The following CADM2 variants were observed in gnomAD, a reference collection of about 807,000 sequenced individuals.
The protein encoded by CADM2 is immunoglobulin superfamily member 4D.
In CADM2, 12 loss-of-function variants were observed where a neutral mutation model predicts 49.8. The observed-to-expected ratio is 0.24, with a 90% CI of 0.15 to 0.39. The LOEUF is 0.39. Among genes scored for constraint, CADM2 ranks in the 10% least tolerant of loss-of-function variants. The probability of loss-of-function intolerance (pLI) is 1.00; values close to 1 mark genes in which losing one functional copy is unlikely to be tolerated. For synonymous variants in CADM2, 214 were observed against 175.4 expected, an observed-to-expected ratio of 1.22 and a Z score of -1.74; for missense variants, 378 against 492.3, an observed-to-expected ratio of 0.77 and a Z score of 2.20.
chr3:85,385,729 C>T (rs2034186424), intron 1 of CADM2: 1 of 147,930 alleles, frequency 6.8e-6, no homozygotes, highest in Non-Finnish European at 1.5e-5. Context: ...TGCCTTTTTA[C>T]AGGAGTTTAT....
At chr3:85,565,269 C>G (rs2062224303) in intron 1 of CADM2, among the ~76,000 whole-genome samples, 1 of 152,008 alleles carries the variant, frequency 6.6e-6, no homozygotes, top group Non-Finnish European at 1.5e-5. Flanking sequence ...ACATTTTAAA[C>G]TATTTGCATT....
intron 1 of CADM2, among the ~76,000 whole-genome samples, chr3:85,622,024 G>C (rs533269963): frequency 6.6e-6 from 1 of 152,164 alleles, no homozygotes; most frequent in Admixed American, 6.6e-5. Flanking sequence ...ATGAAAATGT[G>C]TATACACAAA....
intron 1 of CADM2, among the ~76,000 whole-genome samples, chr3:85,018,914 G>A (rs956279967): frequency 6.6e-6 from 1 of 152,090 alleles, no homozygotes; most frequent in African/African-American, 2.4e-5. Context: ...CAGCTATTCA[G>A]GACCCCAGGC....
At chr3:85,488,112 G>T (rs2039505797) in intron 1 of CADM2, among the ~76,000 whole-genome samples, 1 of 152,024 alleles carries the variant, frequency 6.6e-6, no homozygotes, top group African/African-American at 2.4e-5. Flanking sequence ...AAGTAATAAA[G>T]AAATAAAATT....
At chr3:85,749,724 T>C (rs1474683523) in intron 2 of CADM2, among the ~76,000 whole-genome samples, 1 of 152,056 alleles carries the variant, frequency 6.6e-6, no homozygotes, top group East Asian at 1.9e-4. Context: ...TATTTTCATA[T>C]GCAGAGGTTC....
At chr3:85,155,182 A>T (rs1288536716) in intron 1 of CADM2, among the ~76,000 whole-genome samples, 2 of 150,228 alleles carry the variant, frequency 1.3e-5, no homozygotes, top group African/African-American at 5.0e-5. Context: ...AGTGTGCTGT[A>T]TTCAGGAAAC....
intron 9 of CADM2, 94 bp from the exon 10 acceptor site, chr3:86,066,571 T>C (rs905387531): frequency 2.1e-6 from 2 of 933,844 alleles, no homozygotes; most frequent in Non-Finnish European, 3.4e-6. Flanking sequence ...GTCTCAAAAA[T>C]CTGGCAAAAG....
At chr3:85,106,135 A>G (rs879843175) in intron 1 of CADM2, among the ~76,000 whole-genome samples, 2 of 152,164 alleles carry the variant, frequency 1.3e-5, no homozygotes, top group Non-Finnish European at 1.5e-5. Context: ...AAGCTGTTCA[A>G]TTAATCCAGA....
At chr3:85,027,384 T>C (rs1340291837) in intron 1 of CADM2, among the ~76,000 whole-genome samples, 1 of 151,986 alleles carries the variant, frequency 6.6e-6, no homozygotes, top group Non-Finnish European at 1.5e-5. Flanking sequence ...GTGCTGGGAT[T>C]ACAGGCGTAA....
chr3:85,167,897 G>A (rs1383576409), intron 1 of CADM2, among the ~76,000 whole-genome samples: 1 of 151,972 alleles, frequency 6.6e-6, no homozygotes, highest in Non-Finnish European at 1.5e-5. Flanking sequence ...TATGTTGGGT[G>A]TGTATATATA....
chr3:85,889,394 G>C (rs375311939), intron 5 of CADM2, among the ~76,000 whole-genome samples: 20 of 152,264 alleles, frequency 1.3e-4, no homozygotes, highest in African/African-American at 4.6e-4. Flanking sequence ...AGATTATCAG[G>C]CCTTGATCCA....
chr3:85,585,558 A>G (rs886426641), intron 1 of CADM2, among the ~76,000 whole-genome samples: 1 of 152,004 alleles, frequency 6.6e-6, no homozygotes, highest in Non-Finnish European at 1.5e-5. Context: ...ATAAAAAAAC[A>G]TAGTATATAT....
chr3:86,029,831 G>A (rs1265210156), intron 8 of CADM2, among the ~76,000 whole-genome samples: 1 of 151,986 alleles, frequency 6.6e-6, no homozygotes, highest in Non-Finnish European at 1.5e-5. Context: ...ATTGTTATAT[G>A]AGTCATCAAA....
intron 1 of CADM2, among the ~76,000 whole-genome samples, chr3:85,083,908 T>C (rs1343195873): frequency 1.3e-5 from 2 of 152,144 alleles, no homozygotes; most frequent in African/African-American, 4.8e-5. Flanking sequence ...TAGAAAGAAA[T>C]AGTCCATTAA....
At chr3:85,479,417 A>C (rs1324929546) in intron 1 of CADM2, among the ~76,000 whole-genome samples, 1 of 140,646 alleles carries the variant, frequency 7.1e-6, no homozygotes. Context: ...TGTATTACAT[A>C]AAATCCTTAC....
At chr3:85,257,262 T>C (rs72917162) in intron 1 of CADM2, among the ~76,000 whole-genome samples, 10,077 of 152,168 alleles carry the variant, frequency 0.066, 1,098 homozygotes, top group African/African-American at 0.23. Context: ...CAGAATGCCT[T>C]TTCTGATGTG....
intron 3 of CADM2, among the ~76,000 whole-genome samples, chr3:85,855,454 G>C (rs1257808350): frequency 6.6e-6 from 1 of 151,524 alleles, no homozygotes; most frequent in Non-Finnish European, 1.5e-5. Flanking sequence ...ATGTCATATA[G>C]ATTTTCAATC....
chr3:85,942,837 T>C (rs1722118656), intron 7 of CADM2, among the ~76,000 whole-genome samples: 1 of 152,116 alleles, frequency 6.6e-6, no homozygotes. Context: ...TATAGTCCTT[T>C]GGGTATATAC....
chr3:85,529,639 C>T (rs2061250525), intron 1 of CADM2, among the ~76,000 whole-genome samples: 1 of 152,050 alleles, frequency 6.6e-6, no homozygotes, highest in African/African-American at 2.4e-5. Context: ...TCTACCTTGT[C>T]TCTGACCTCC....
Sources: allele counts gnomAD v4.1 joint callset (sites outside exome capture counted in the v4.1 genomes callset), GRCh38; gene constraint gnomAD v4.1.1; transcripts MANE v1.5; gene names NCBI Gene and HGNC (gene_info 2026-07-23, HGNC 2026-07-21).